Variants in SNTB1 observed in about 807,000 individuals in gnomAD.
The protein encoded by SNTB1 is syntrophin beta 1, also known as beta-1-syntrophin.
In SNTB1, 36 loss-of-function variants were observed where a neutral mutation model predicts 48.9. That is an observed-to-expected ratio of 0.74 (90% CI 0.56 to 0.97). The LOEUF (loss-of-function observed/expected upper bound fraction) is 0.97. Among genes scored for constraint, SNTB1 ranks in the 50% least tolerant of loss-of-function variants. SNTB1 has a pLI of 0.00. For synonymous variants in SNTB1, 299 were observed against 294.6 expected (o/e 1.01, Z -0.15); for missense variants, 786 against 703.4 (o/e 1.12, Z -1.33).
intron 1 of SNTB1, among the ~76,000 whole-genome samples, chr8:120,771,049 A>G (rs76956555): frequency 6.6e-6 from 1 of 152,284 alleles, no homozygotes; most frequent in East Asian, 1.9e-4. Context: ...TGGTCACTCA[A>G]TGGAAGGGTA....
At chr8:120,692,691 T>C (rs1818149032) in intron 2 of SNTB1, among the ~76,000 whole-genome samples, 1 of 152,066 alleles carries the variant, frequency 6.6e-6, no homozygotes. Context: ...CTCCTTTTGC[T>C]CTCTTGAGCA....
intron 3 of SNTB1, among the ~76,000 whole-genome samples, chr8:120,584,487 AAGAGAAAAAAGTT>A (rs968303085): frequency 2.7e-5 from 4 of 150,348 alleles, no homozygotes; most frequent in African/African-American, 7.3e-5. Context: ...AGGAGCAGTT[AAGAGAAAAAAGTT>A]TAGGGAAAAT....
rs950219639 is a variant in SNTB1 at position 120,651,171 on chromosome 8, C to G, written c.789-18520G>C. On this transcript the variant is annotated intron_variant, in intron 2 of 6. Coordinates refer to ENST00000517992, the MANE Select transcript of SNTB1 (RefSeq NM_021021.4). ...TTGGTCCAATGAAGCATGGAGAGTC[C>G]TCCAGGGCAGGTGGGCTATAGTCCA... 2.6e-5 allele frequency among the ~76,000 whole-genome samples: 4 copies of G among 152,242 alleles called. No individual in the cohort carries two copies. The East Asian group carries it at 5.8e-4, about 22-fold the overall frequency.
intron 2 of SNTB1, among the ~76,000 whole-genome samples, chr8:120,643,100 C>T (rs1025766998): frequency 1.3e-5 from 2 of 152,150 alleles, no homozygotes; most frequent in African/African-American, 4.8e-5. Context: ...ATGGCTCCCT[C>T]TTATGGCCAT....
At chr8:120,664,728 C>T (rs1475967538) in intron 2 of SNTB1, among the ~76,000 whole-genome samples, 1 of 152,146 alleles carries the variant, frequency 6.6e-6, no homozygotes, top group Admixed American at 6.5e-5. Context: ...GCAAATAATG[C>T]TGCTATGAAC....
chr8:120,601,506 C>A (rs1350726073), intron 3 of SNTB1, among the ~76,000 whole-genome samples: 2 of 152,126 alleles, frequency 1.3e-5, no homozygotes, highest in African/African-American at 2.4e-5. Context: ...ATCCTTCGTG[C>A]TAAAAAAATT....
chr8:120,673,187 T>A (rs1817783289), intron 2 of SNTB1, among the ~76,000 whole-genome samples: 1 of 152,118 alleles, frequency 6.6e-6, no homozygotes, highest in Non-Finnish European at 1.5e-5. Flanking sequence ...AGGTCCTTCA[T>A]CAACAGTGAA....
Position 120,538,804 on chromosome 8 carries a change from A to C in SNTB1, c.*73T>G. On this transcript the variant is annotated 3_prime_UTR_variant, in exon 7 of 7. Transcript: ENST00000517992. The stretch of plus-strand genomic sequence containing the variant: ...CTACATCTGGTGCGCTGCTCACTAC[A>C]GATGGTGTCTGACATCACGTTCTCT... The C allele has an allele frequency of 8.2e-7, 1 of 1,219,700 alleles. No homozygotes were observed. The highest frequency in any genetic ancestry group is 1.2e-6 in the Non-Finnish European group (1 of 821,074). 75.6% of individuals were successfully genotyped at this position (1,219,700 alleles called of 1,614,324 possible). A position where few individuals can be genotyped will look rare whatever the true frequency, so the allele number is the denominator to read the frequency against.
chr8:120,624,399 G>A (rs1333987023), intron 3 of SNTB1, among the ~76,000 whole-genome samples: 1 of 152,168 alleles, frequency 6.6e-6, no homozygotes, highest in Non-Finnish European at 1.5e-5. Flanking sequence ...AATCTGGAAG[G>A]TGGTCAAGCA....
intron 4 of SNTB1, among the ~76,000 whole-genome samples, chr8:120,571,516 G>T (rs1371224478): frequency 4.0e-5 from 2 of 50,272 alleles, no homozygotes; most frequent in Admixed American, 2.7e-4. Flanking sequence ...TTTTTTTTTT[G>T]AGACAGAGTC....
chr8:120,663,152 C>G lies in SNTB1; in HGVS notation c.789-30501G>C, dbSNP rs562665911. Among the ~76,000 whole-genome samples the G allele has an allele frequency of 7.2e-5, 11 of 152,266 alleles. No individual in the cohort carries two copies. In the South Asian group the frequency reaches 2.3e-3, roughly 32 times the overall value. On this transcript the variant is annotated intron_variant, in intron 2 of 6. Coordinates refer to ENST00000517992, the MANE Select transcript of SNTB1 (RefSeq NM_021021.4). ...CCTAGGTCCAAGTACTGGCTATGAG[C>G]TAAGTGGCCCTGGAGAAAGAAATTA...
intron 1 of SNTB1, among the ~76,000 whole-genome samples, chr8:120,746,958 T>C (rs1401994923): frequency 6.6e-6 from 1 of 152,144 alleles, no homozygotes; most frequent in South Asian, 2.1e-4. Context: ...CATGAATAGT[T>C]TGTAATAGGG....
chr8:120,634,652 C>T (rs1817043623), intron 2 of SNTB1, among the ~76,000 whole-genome samples: 1 of 152,140 alleles, frequency 6.6e-6, no homozygotes, highest in African/African-American at 2.4e-5. Context: ...AGTAATGTCC[C>T]ACCTAGATCC....
intron 3 of SNTB1, among the ~76,000 whole-genome samples, chr8:120,631,643 GT>G (rs1263261090): frequency 6.6e-6 from 1 of 152,140 alleles, no homozygotes; most frequent in African/African-American, 2.4e-5. Context: ...GCAATCATGT[GT>G]AAGGACAATG....
chr8:120,565,835 C>T (rs974843266), intron 4 of SNTB1, among the ~76,000 whole-genome samples: 4 of 152,114 alleles, frequency 2.6e-5, no homozygotes, highest in Non-Finnish European at 5.9e-5. Flanking sequence ...CCAATGCAAA[C>T]GTATTAAGAG....
chr8:120,646,687 GT>G (rs1817303045), intron 2 of SNTB1, among the ~76,000 whole-genome samples: 1 of 151,854 alleles, frequency 6.6e-6, no homozygotes, highest in Non-Finnish European at 1.5e-5. Context: ...CATAAAATGA[GT>G]TAGGGAGGAT....
At chr8:120,785,966 C>G (rs1819916989) in intron 1 of SNTB1, among the ~76,000 whole-genome samples, 1 of 152,346 alleles carries the variant, frequency 6.6e-6, no homozygotes, top group Non-Finnish European at 1.5e-5. Context: ...TACATTACTA[C>G]TACTGCTGGC....
At chr8:120,712,869 G>A (rs1818487568) in intron 1 of SNTB1, among the ~76,000 whole-genome samples, 1 of 152,212 alleles carries the variant, frequency 6.6e-6, no homozygotes, top group Middle Eastern at 3.4e-3. Flanking sequence ...GTGGCAGAGC[G>A]GGAATCTGAA....
At chr8:120,778,609 G>T (rs554831255) in intron 1 of SNTB1, among the ~76,000 whole-genome samples, 19 of 152,334 alleles carry the variant, frequency 1.2e-4, no homozygotes, top group Admixed American at 9.2e-4. Flanking sequence ...ATGACTGAAA[G>T]AAATTAGTGG....
Sources: allele counts gnomAD v4.1 joint callset (sites outside exome capture counted in the v4.1 genomes callset), GRCh38; gene constraint gnomAD v4.1.1; transcripts MANE v1.5; gene names NCBI Gene and HGNC (gene_info 2026-07-23, HGNC 2026-07-21).